Variants in HMCN1 observed in about 807,000 individuals in gnomAD.
HMCN1 encodes hemicentin-1.
Under a neutral mutation model 625.9 loss-of-function variants are expected in HMCN1, and 321 were observed. The observed-to-expected ratio is 0.51, with a 90% CI of 0.47 to 0.56. The LOEUF is 0.56. Among genes scored for constraint, HMCN1 ranks in the 20% least tolerant of loss-of-function variants. The pLI is 0.00. For synonymous variants in HMCN1, 2,425 were observed against 2,417.6 expected, an observed-to-expected ratio of 1.00 and a Z score of -0.09; for missense variants, 6,588 against 6,887.3, an observed-to-expected ratio of 0.96 and a Z score of 1.54.
intron 2 of HMCN1, among the ~76,000 whole-genome samples, chr1:185,846,564 A>T (rs762673774): frequency 6.6e-6 from 1 of 152,336 alleles, no homozygotes; most frequent in South Asian, 2.1e-4. Flanking sequence ...AAGATGAATC[A>T]CATTGGTTTA....
chr1:185,899,644 T>A (rs1665691862), intron 4 of HMCN1, among the ~76,000 whole-genome samples: 1 of 152,142 alleles, frequency 6.6e-6, no homozygotes, highest in Non-Finnish European at 1.5e-5. Flanking sequence ...TTGCTGAGAC[T>A]TCTCTCTGTT....
chr1:185,828,847 A>G (rs1660683882), intron 1 of HMCN1, among the ~76,000 whole-genome samples: 2 of 152,120 alleles, frequency 1.3e-5, no homozygotes, highest in African/African-American at 2.4e-5. Context: ...ATCAGAATCT[A>G]TGGGATATAG....
At chr1:185,947,836 AACAAGC>A (rs139897696) in intron 11 of HMCN1, among the ~76,000 whole-genome samples, 4,426 of 152,338 alleles carry the variant, frequency 0.029, 81 homozygotes, top group Non-Finnish European at 0.045. Flanking sequence ...AAGTTATGTG[AACAAGC>A]ACATTTGTCC....
At chr1:186,063,721 G>A (rs1246244004) in intron 48 of HMCN1, among the ~76,000 whole-genome samples, 1 of 151,972 alleles carries the variant, frequency 6.6e-6, no homozygotes, top group Non-Finnish European at 1.5e-5. Context: ...ATTTTGTAGT[G>A]GGGATTTTCC....
At chr1:185,954,186 G>A (rs565499769) in intron 11 of HMCN1, among the ~76,000 whole-genome samples, 8 of 152,104 alleles carry the variant, frequency 5.3e-5, no homozygotes, top group African/African-American at 1.4e-4. Flanking sequence ...CAGGGGATGC[G>A]ATGGCTTGGC....
At chr1:185,836,452 A>G (rs1174340225) in intron 1 of HMCN1, among the ~76,000 whole-genome samples, 6 of 152,134 alleles carry the variant, frequency 3.9e-5, no homozygotes, top group Admixed American at 3.9e-4. Flanking sequence ...TTTATTATAT[A>G]ATAAACATTG....
intron 26 of HMCN1, 77 bp from the exon 27 acceptor site, chr1:186,001,221 T>C (rs1337551740): frequency 2.3e-6 from 3 of 1,277,096 alleles, no homozygotes; most frequent in Non-Finnish European, 3.4e-6. Flanking sequence ...ATTTGCTGTA[T>C]AAAGGCCCTT....
At chr1:186,114,198 A>G in intron 73 of HMCN1, 75 bp downstream of exon 73, 4 of 1,478,928 alleles carry the variant, frequency 2.7e-6, no homozygotes, top group Non-Finnish European at 3.8e-6. Flanking sequence ...CTAGTGCACT[A>G]TTTTGGTCTC....
intron 71 of HMCN1, among the ~76,000 whole-genome samples, chr1:186,110,032 C>T (rs1490497811): frequency 6.6e-6 from 1 of 152,016 alleles, no homozygotes; most frequent in Non-Finnish European, 1.5e-5. Context: ...AGGGTAAGTT[C>T]ACTTGTGATG....
chr1:185,925,160 G>A lies in HMCN1; in HGVS notation c.1399G>A (p.Gly467Arg), dbSNP rs1309668364. The change falls in exon 9 of 107, where the codon GGA becomes AGA. Residue 467 changes from glycine (G) to arginine (R), a missense_variant. Gly to Arg is a moderately radical substitution (Grantham distance 125). Coordinates refer to ENST00000271588, the MANE Select transcript of HMCN1 (RefSeq NM_031935.3). ...LPFTLSFVRN[G>R]VTLGVDQYLK... Reference sequence around the variant, plus strand: ...CTTTACCTTGAGCTTTGTCAGAAATGGAGTTACACTTGGAGTAGACCAGTA... The same window carrying A: ...CTTTACCTTGAGCTTTGTCAGAAATAGAGTTACACTTGGAGTAGACCAGTA... The A allele has an allele frequency of 6.2e-7, 1 of 1,613,970 alleles. No individual in the cohort carries two copies. Among genetic ancestry groups the A allele is most frequent in the Non-Finnish European group, 8.5e-7 (1 of 1,179,890 alleles).
In HMCN1 at chr1:186,015,163, A is replaced by C; in HGVS notation, c.4635A>C (p.Pro1545=). Reference sequence around the variant, plus strand: ...TTGTTCTGAAATCCTTTGTAGTTCCACCTAGTATTAAAGGAGGAAATGTCA... The same window carrying C: ...TTGTTCTGAAATCCTTTGTAGTTCCCCCTAGTATTAAAGGAGGAAATGTCA... The part of the protein sequence containing the change: ...AKDIKLTIYI[P]PSIKGGNVTT... The change falls in exon 31 of 107, where the codon CCA becomes CCC. Residue 1545 remains proline (P), a synonymous_variant. Coordinates refer to ENST00000271588, the MANE Select transcript of HMCN1 (RefSeq NM_031935.3). 6.2e-7 allele frequency: 1 copy of C among 1,606,012 alleles called. No homozygotes were observed. The highest frequency in any genetic ancestry group is 8.5e-7 in the Non-Finnish European group (1 of 1,172,956).
intron 40 of HMCN1, among the ~76,000 whole-genome samples, chr1:186,045,348 A>G (rs1166962569): frequency 6.6e-6 from 1 of 152,142 alleles, no homozygotes; most frequent in Non-Finnish European, 1.5e-5. Flanking sequence ...CTCTTAGCTT[A>G]TTATTGTTTC....
chr1:186,152,982 C>G, intron 96 of HMCN1, 111 bp downstream of exon 96: 4 of 1,350,680 alleles, frequency 3.0e-6, no homozygotes, highest in Non-Finnish European at 4.2e-6. Flanking sequence ...AATGTCCAAA[C>G]TACCAAGGCT....
chr1:185,989,100 C>T lies in HMCN1; in HGVS notation c.3049-388C>T, dbSNP rs184411357. 4.6e-3 allele frequency among the ~76,000 whole-genome samples: 703 copies of T among 151,226 alleles called. 11 individuals carry two copies. The highest frequency in any genetic ancestry group is 0.016 in the African/African-American group (670 of 41,086). On this transcript the variant is annotated intron_variant, in intron 20 of 106. Transcript: ENST00000271588. ...TTGGCTCACTGCAAGTTCCACCTCC[C>T]GGGTTCACGCCATTCTCCTGCCTCA...
chr1:186,092,159 A>T (rs1426871332), intron 64 of HMCN1, among the ~76,000 whole-genome samples: 1 of 151,766 alleles, frequency 6.6e-6, no homozygotes, highest in African/African-American at 2.4e-5. Context: ...AACATTCTAA[A>T]TTTACTTATT....
chr1:186,158,407 T>A (rs150896255), intron 97 of HMCN1, among the ~76,000 whole-genome samples: 14,316 of 152,176 alleles, frequency 0.094, 684 homozygotes, highest in South Asian at 0.11. Context: ...CTCATGGTAG[T>A]TTCTTTTGCT....
chr1:185,897,476 C>A (rs1300439936), intron 4 of HMCN1, among the ~76,000 whole-genome samples: 1 of 152,184 alleles, frequency 6.6e-6, no homozygotes, highest in African/African-American at 2.4e-5. Flanking sequence ...TCCCTACCCT[C>A]ATCACTTACC....
chr1:185,782,417 A>C (rs1657194515), intron 1 of HMCN1, among the ~76,000 whole-genome samples: 1 of 152,156 alleles, frequency 6.6e-6, no homozygotes, highest in African/African-American at 2.4e-5. Context: ...TTTGCTCATT[A>C]GTTGATGCAG....
intron 1 of HMCN1, among the ~76,000 whole-genome samples, chr1:185,835,403 T>G (rs73054407): frequency 0.099 from 14,989 of 151,492 alleles, 2,379 homozygotes; most frequent in African/African-American, 0.33. Context: ...GCCTCTCTCT[T>G]CAATTGCCGC....
Sources: gnomAD v4.1 joint callset for allele counts (sites outside exome capture counted in the v4.1 genomes callset) on GRCh38, gnomAD v4.1.1 for gene constraint, MANE v1.5 for transcripts, NCBI Gene and HGNC (gene_info 2026-07-23, HGNC 2026-07-21) for gene names.